The following ZNF516 variants were observed in gnomAD, a reference collection of about 807,000 sequenced individuals.
The protein encoded by ZNF516 is zinc finger protein 516.
In ZNF516, 19 loss-of-function variants were observed where a neutral mutation model predicts 79.7. The ratio of observed to expected loss-of-function variants is 0.24; its 90% CI spans 0.17 to 0.35. The LOEUF is 0.35. Ranked by LOEUF, ZNF516 falls within the 10% of genes least tolerant of loss-of-function variation. The pLI, the probability that ZNF516 is intolerant of heterozygous loss-of-function variation, is 1.00. For synonymous variants in ZNF516, 877 were observed against 739.5 expected (o/e 1.19, Z -3.02); for missense variants, 1,678 against 1,679.5 (o/e 1.00, Z 0.02).
intron 3 of ZNF516, among the ~76,000 whole-genome samples, chr18:76,434,578 G>C (rs922304872): frequency 6.6e-6 from 1 of 152,160 alleles, no homozygotes; most frequent in Non-Finnish European, 1.5e-5. Context: ...AAGGAAACTC[G>C]GCACACCCCA....
chr18:76,485,916 A>AAATAAT (rs147558930), intron 1 of ZNF516, among the ~76,000 whole-genome samples: 13 of 148,414 alleles, frequency 8.8e-5, no homozygotes, highest in South Asian at 2.1e-4. Context: ...TTTTTGACAA[A>AAATAAT]AATAATAATA....
chr18:76,395,560 CA>C (rs904806393), intron 3 of ZNF516, among the ~76,000 whole-genome samples: 2 of 152,268 alleles, frequency 1.3e-5, no homozygotes, highest in African/African-American at 4.8e-5. Context: ...CAGGCAGCCT[CA>C]GGGGCAGGTA....
At chr18:76,479,179 T>A (rs922748816) in intron 1 of ZNF516, among the ~76,000 whole-genome samples, 16 of 151,936 alleles carry the variant, frequency 1.1e-4, no homozygotes, top group African/African-American at 3.6e-4. Flanking sequence ...ATCTTAAGAG[T>A]CACATGACTT....
intron 3 of ZNF516, among the ~76,000 whole-genome samples, chr18:76,439,581 C>T (rs565589921): frequency 6.6e-6 from 1 of 152,012 alleles, no homozygotes; most frequent in East Asian, 1.9e-4. Context: ...TTTAATGAGC[C>T]TGAAAAAAGA....
chr18:76,473,733 G>A (rs1304165988), intron 1 of ZNF516, among the ~76,000 whole-genome samples: 5 of 151,678 alleles, frequency 3.3e-5, no homozygotes, highest in South Asian at 2.1e-4. Context: ...CCCAGGAGGC[G>A]GAGCTTGCAG....
intron 3 of ZNF516, among the ~76,000 whole-genome samples, chr18:76,430,164 TA>T (rs1359668426): frequency 4.6e-5 from 7 of 152,242 alleles, no homozygotes; most frequent in African/African-American, 7.2e-5. Context: ...TCCGAAGGTT[TA>T]GGCCTTGATT....
At chr18:76,477,959 G>A (rs1163332042) in intron 1 of ZNF516, among the ~76,000 whole-genome samples, 1 of 152,124 alleles carries the variant, frequency 6.6e-6, no homozygotes, top group Non-Finnish European at 1.5e-5. Context: ...ATATGTAAAT[G>A]ACCTACTTAA....
At chr18:76,495,618 C>A, upstream of ZNF516, 1 of 581,976 alleles carries the variant, frequency 1.7e-6, no homozygotes, top group Non-Finnish European at 2.4e-6. Context: ...CAGTGGTCGC[C>A]CCTCGTCAAG....
chr18:76,406,345 C>T (rs1034213642), intron 3 of ZNF516, among the ~76,000 whole-genome samples: 8 of 152,168 alleles, frequency 5.3e-5, no homozygotes, highest in African/African-American at 1.9e-4. Context: ...ACAGGAGGAT[C>T]ACGAGATCAG....
rs2074521264 is a variant in ZNF516, at chr18:76,360,649, ATATAT to A, written c.*1844_*1848del. ...AAAATAAGTAAAAAAAAAAAAAAAT[ATATAT>A]ATATATATATATATATATATATATA... On this transcript the variant is annotated 3_prime_UTR_variant, in exon 7 of 7. Transcript: ENST00000443185. 3.2e-5 allele frequency: 3 copies of A among 94,416 alleles called. No individual in the cohort carries two copies. The highest frequency in any genetic ancestry group is 3.5e-4 in the South Asian group (1 of 2,820). 5.8% of individuals were successfully genotyped at this position (94,416 alleles called of 1,614,324 possible).
chr18:76,397,584 T>C (rs937382559), intron 3 of ZNF516, among the ~76,000 whole-genome samples: 1 of 152,212 alleles, frequency 6.6e-6, no homozygotes, highest in Admixed American at 6.5e-5. Context: ...TACATAAATA[T>C]CTTAGTACTC....
At chr18:76,384,346 C>T (rs1455480573) in intron 3 of ZNF516, among the ~76,000 whole-genome samples, 21 of 134,780 alleles carry the variant, frequency 1.6e-4, no homozygotes, top group East Asian at 2.4e-4. Flanking sequence ...CCTCCCTCCA[C>T]GGCTCTCACG....
chr18:76,448,692 G>A (rs760829073), intron 2 of ZNF516, among the ~76,000 whole-genome samples: 16 of 152,242 alleles, frequency 1.1e-4, no homozygotes, highest in African/African-American at 3.1e-4. Flanking sequence ...GTCCTAGGGC[G>A]GTGCGGTCAG....
intron 3 of ZNF516, chr18:76,386,333 C>G (rs1035460186): frequency 2.0e-5 from 3 of 151,754 alleles, no homozygotes; most frequent in African/African-American, 7.3e-5. Context: ...AGCTCAACAC[C>G]GGGGGCTCAC....
chr18:76,441,201 G>A (rs781583453), intron 3 of ZNF516, 44 bp downstream of exon 3: 2 of 1,578,018 alleles, frequency 1.3e-6, no homozygotes, highest in Middle Eastern at 2.1e-4. Flanking sequence ...AACCCCCTGA[G>A]CCTGGGATCC....
intron 1 of ZNF516, among the ~76,000 whole-genome samples, chr18:76,468,815 TGAGAA>T (rs1913654172): frequency 6.6e-6 from 1 of 152,184 alleles, no homozygotes; most frequent in Non-Finnish European, 1.5e-5. Context: ...AACTGTCACT[TGAGAA>T]GAGTAACTTA....
chr18:76,437,067 AACACACAC>A (rs370573337), intron 3 of ZNF516, among the ~76,000 whole-genome samples: 29 of 135,984 alleles, frequency 2.1e-4, no homozygotes, highest in East Asian at 4.4e-4. Context: ...ACCTGTCTAA[AACACACAC>A]ACACACACAC....
chr18:76,424,087 A>C, intron 3 of ZNF516, among the ~76,000 whole-genome samples: 1 of 113,788 alleles, frequency 8.8e-6, no homozygotes, highest in Non-Finnish European at 1.8e-5. Flanking sequence ...TGAAACATAC[A>C]CACGCAGGTG....
chr18:76,469,345 G>A (rs1913689704), intron 1 of ZNF516, among the ~76,000 whole-genome samples: 1 of 152,050 alleles, frequency 6.6e-6, no homozygotes, highest in African/African-American at 2.4e-5. Context: ...TATATTTAGA[G>A]GGCTTTTTAA....
Sources: gnomAD v4.1 joint callset for allele counts (sites outside exome capture counted in the v4.1 genomes callset) on GRCh38, gnomAD v4.1.1 for gene constraint, MANE v1.5 for transcripts, NCBI Gene and HGNC (gene_info 2026-07-23, HGNC 2026-07-21) for gene names.